Variants in PIK3C2G observed in about 807,000 individuals in gnomAD.
The protein encoded by PIK3C2G is phosphatidylinositol-4-phosphate 3-kinase catalytic subunit type 2 gamma, also known as phosphatidylinositol 3-kinase C2 domain-containing subunit gamma.
A neutral mutation model predicts 181.1 loss-of-function variants in PIK3C2G; 168 were observed. The ratio of observed to expected loss-of-function variants is 0.93; its 90% CI spans 0.82 to 1.05. The LOEUF (loss-of-function observed/expected upper bound fraction) is 1.05. PIK3C2G is among the 50% of genes least tolerant of loss of function. PIK3C2G has a pLI of 0.00. For missense variants in PIK3C2G, 1,869 were observed against 1,732.8 expected (o/e 1.08, Z -1.40); for synonymous variants, 573 against 592.2 (o/e 0.97, Z 0.47).
chr12:18,282,216 T>C lies in PIK3C2G; in HGVS notation c.135T>C (p.Asp45=). 5 of 1,613,458 alleles carry C rather than the reference T, an allele frequency of 3.1e-6. No individual in the cohort carries two copies. The highest frequency in any genetic ancestry group is 1.3e-5 in the African/African-American group (1 of 75,042). Residue 45 remains aspartate (D), a synonymous_variant, in exon 2 of 33, where the codon GAT becomes GAC. Coordinates refer to ENST00000538779, the MANE Select transcript of PIK3C2G (RefSeq NM_001288772.2). ...QVSLGFDQIV[D]EISGKIPHYE... ...GTCTGGGTTTTGATCAGATAGTAGATGAGATCAGTGGCAAAATTCCACACT... is the reference window on the plus strand; with the variant it reads ...GTCTGGGTTTTGATCAGATAGTAGACGAGATCAGTGGCAAAATTCCACACT...
At chr12:18,505,576 G>C (rs1372760841) in intron 24 of PIK3C2G, 115 bp downstream of exon 24, 3 of 620,494 alleles carry the variant, frequency 4.8e-6, no homozygotes, top group Non-Finnish European at 7.6e-6. Flanking sequence ...AATCCCCCCA[G>C]GTAATATAAA....
rs1395463645 is a variant in PIK3C2G at position 18,391,191 on chromosome 12, G to A, written c.2065G>A (p.Glu689Lys). The change falls in exon 15 of 33, where the codon GAG (glutamate) becomes AAG (lysine). Residue 689 changes from glutamate to lysine, a missense_variant. Coordinates refer to ENST00000538779, the MANE Select transcript of PIK3C2G (RefSeq NM_001288772.2). ...TGAAGAGAATAGAAGTAATCTTGAA[G>A]AGCCACTAAAGGAGTGTATAAAACA... Reference protein sequence around the residue: ...DSEENRSNLEEPLKECIKHIA... With the variant: ...DSEENRSNLEKPLKECIKHIA... The A allele has an allele frequency of 6.2e-7, 1 of 1,609,432 alleles. No individual in the cohort carries two copies. The highest frequency in any genetic ancestry group is 1.1e-5 in the South Asian group (1 of 90,520).
rs146629409 is a variant in PIK3C2G, at chr12:18,411,505, C to A, written c.2316-9436C>A. 6.1e-3 allele frequency among the ~76,000 whole-genome samples: 923 copies of A among 152,164 alleles called. 10 individuals carry two copies. The highest frequency in any genetic ancestry group is 0.021 in the African/African-American group (890 of 41,506). The stretch of plus-strand genomic sequence containing the variant: ...AATCATCTTAAAAAAATCCTATTCA[C>A]CACTTTGCTAGAAAAAAAAATTCTT... On this transcript the variant is annotated intron_variant, in intron 16 of 32. Transcript: ENST00000538779.
intron 29 of PIK3C2G, among the ~76,000 whole-genome samples, chr12:18,593,434 A>C (rs1947191924): frequency 6.6e-6 from 1 of 151,910 alleles, no homozygotes; most frequent in African/African-American, 2.4e-5. Context: ...TCATTAGCAG[A>C]GAAGGAGTCA....
intron 31 of PIK3C2G, among the ~76,000 whole-genome samples, chr12:18,612,874 A>T (rs1187970970): frequency 6.6e-6 from 1 of 152,098 alleles, no homozygotes; most frequent in Non-Finnish European, 1.5e-5. Context: ...TCTGAGAGTT[A>T]CTTTCCTCCT....
At chr12:18,515,180 G>A (rs1592461705) in intron 24 of PIK3C2G, among the ~76,000 whole-genome samples, 1 of 151,796 alleles carries the variant, frequency 6.6e-6, no homozygotes, top group African/African-American at 2.4e-5. Context: ...CATCAGACCT[G>A]TGGTTTTCTT....
chr12:18,459,692 C>T (rs769129407), intron 18 of PIK3C2G, among the ~76,000 whole-genome samples: 20 of 152,172 alleles, frequency 1.3e-4, no homozygotes, highest in Admixed American at 2.0e-4. Context: ...TTTAATGAAA[C>T]AGACTCAATA....
intron 23 of PIK3C2G, among the ~76,000 whole-genome samples, chr12:18,504,083 C>T (rs1192219266): frequency 6.6e-6 from 1 of 152,100 alleles, no homozygotes; most frequent in Non-Finnish European, 1.5e-5. Context: ...AAAAAATGCA[C>T]CATTAGATTT....
At position 18,417,658 on chromosome 12, in the gene PIK3C2G, A is replaced by G. The variant is rs533343923; in HGVS notation, c.2316-3283A>G. On this transcript the variant is annotated intron_variant, in intron 16 of 32. Coordinates refer to ENST00000538779, the MANE Select transcript of PIK3C2G (RefSeq NM_001288772.2). ...TCTTAGCAACAAAGTATTTTTAATAAAAGTTTTTAATTTAATGATTTGTTT... is the reference window on the plus strand; with the variant it reads ...TCTTAGCAACAAAGTATTTTTAATAGAAGTTTTTAATTTAATGATTTGTTT... Among the ~76,000 whole-genome samples, 55 of 152,292 alleles carry G rather than the reference A, an allele frequency of 3.6e-4. No individual in the cohort carries two copies. In the Middle Eastern group the frequency reaches 0.014, roughly 38 times the overall value.
intron 29 of PIK3C2G, among the ~76,000 whole-genome samples, chr12:18,572,517 A>T (rs930146749): frequency 1.3e-5 from 2 of 151,296 alleles, no homozygotes; most frequent in African/African-American, 4.8e-5. Context: ...GCTGATACAT[A>T]TCTGGTTTTG....
At chr12:18,466,915 T>C (rs926525614) in intron 18 of PIK3C2G, among the ~76,000 whole-genome samples, 1 of 152,036 alleles carries the variant, frequency 6.6e-6, no homozygotes, top group African/African-American at 2.4e-5. Flanking sequence ...TTTTTTCACT[T>C]GGAATGTTTC....
chr12:18,529,286 T>C (rs1319668242), intron 24 of PIK3C2G, among the ~76,000 whole-genome samples: 9 of 152,170 alleles, frequency 5.9e-5, no homozygotes, highest in Non-Finnish European at 8.8e-5. Context: ...TTTCTCATCA[T>C]TGGGCATTTT....
At chr12:18,275,660 C>T (rs1214862686) in intron 1 of PIK3C2G, among the ~76,000 whole-genome samples, 4 of 152,146 alleles carry the variant, frequency 2.6e-5, no homozygotes, top group African/African-American at 7.2e-5. Context: ...GGATTACAGT[C>T]GTGGGCCACC....
At chr12:18,412,828 T>C (rs1028368940) in intron 16 of PIK3C2G, among the ~76,000 whole-genome samples, 9 of 152,256 alleles carry the variant, frequency 5.9e-5, no homozygotes, top group Non-Finnish European at 1.2e-4. Context: ...GGTCACTTAT[T>C]ACCTCCACCT....
At chr12:18,720,314 T>C in the PIK3C2G span, among the ~76,000 whole-genome samples, 2 of 151,886 alleles carry the variant, frequency 1.3e-5, no homozygotes, top group Non-Finnish European at 2.9e-5. Context: ...CAAATTGTGC[T>C]GCCAAAAATA....
chr12:18,286,923 T>C lies in PIK3C2G; in HGVS notation c.755T>C (p.Val252Ala). ...NTSLASFCNKVKKIRERYHAA... is the reference protein window; with the variant it reads ...NTSLASFCNKAKKIRERYHAA... ...AGTCTGGCCTCTTTTTGCAACAAAGTAAAAAAGTGAGTACTGGTATTTCAT... is the reference window on the plus strand; with the variant it reads ...AGTCTGGCCTCTTTTTGCAACAAAGCAAAAAAGTGAGTACTGGTATTTCAT... Residue 252 changes from valine (V) to alanine (A), a missense_variant, in exon 3 of 33, where the codon GTA becomes GCA. Physicochemically the swap from Val to Ala is moderately conservative, Grantham distance 64. Transcript: ENST00000538779. The C allele has an allele frequency of 1.3e-6, 2 of 1,537,076 alleles. No homozygotes were observed. The highest frequency in any genetic ancestry group is 2.4e-5 in the East Asian group (1 of 42,326).
chr12:18,320,898 C>T (rs1057330438), intron 6 of PIK3C2G, 64 bp from the exon 7 acceptor site: 1 of 838,826 alleles, frequency 1.2e-6, no homozygotes, highest in Non-Finnish European at 1.9e-6. Context: ...AGTTACGGAC[C>T]TATTTTTATC....
chr12:18,356,694 G>A (rs1164286806), intron 11 of PIK3C2G, among the ~76,000 whole-genome samples: 1 of 152,088 alleles, frequency 6.6e-6, no homozygotes, highest in Admixed American at 6.5e-5. Flanking sequence ...GAGATGGAGT[G>A]GGAAGGTGGT....
chr12:18,538,086 A>G (rs1237062027), intron 24 of PIK3C2G, 70 bp from the exon 25 acceptor site: 3 of 1,399,660 alleles, frequency 2.1e-6, no homozygotes, highest in East Asian at 2.3e-5. Context: ...ATAAGTCGTT[A>G]TAACTGCTGA....
Sources: allele counts gnomAD v4.1 joint callset (sites outside exome capture counted in the v4.1 genomes callset), GRCh38; gene constraint gnomAD v4.1.1; transcripts MANE v1.5; gene names NCBI Gene and HGNC (gene_info 2026-07-23, HGNC 2026-07-21).